Variants in VMA22 observed in about 807,000 individuals in gnomAD.
VMA22 encodes the protein vacuolar ATPase assembly protein VMA22.
the VMA22 span, chr2:130,341,574 C>A: frequency 8.9e-7 from 1 of 1,120,408 alleles, no homozygotes; most frequent in Admixed American, 2.1e-5. Flanking sequence ...GATGCTCTCT[C>A]TTATCGCAAA....
the VMA22 span, chr2:130,341,187 A>AC: frequency 1.2e-6 from 1 of 850,184 alleles, no homozygotes; most frequent in Non-Finnish European, 1.8e-6. Context: ...GAAACAGCTT[A>AC]CCACAAAACA....
chr2:130,342,673 T>C, the VMA22 span: 1 of 520,636 alleles, frequency 1.9e-6, no homozygotes, highest in Admixed American at 3.3e-5. Context: ...GCGGACATAT[T>C]TATTAGCTGC....
the VMA22 span, chr2:130,339,923 C>A: frequency 2.2e-6 from 2 of 917,488 alleles, no homozygotes; most frequent in Non-Finnish European, 2.9e-6. Flanking sequence ...CAGTGCTATG[C>A]AGTGGACTCC....
At chr2:130,341,101 A>G in the VMA22 span, 3 of 1,491,250 alleles carry the variant, frequency 2.0e-6, no homozygotes, top group Non-Finnish European at 2.7e-6. Context: ...CATCTTGGTG[A>G]CAATGTTGAG....
At chr2:130,342,626 G>A in the VMA22 span, 7 of 477,874 alleles carry the variant, frequency 1.5e-5, no homozygotes, top group African/African-American at 5.8e-5. Flanking sequence ...ATTCTGCACG[G>A]CGGTGGTGGG....
the VMA22 span, chr2:130,341,172 TC>T: frequency 9.4e-7 from 1 of 1,060,058 alleles, no homozygotes; most frequent in Non-Finnish European, 1.3e-6. Flanking sequence ...ACTTTGGGGT[TC>T]CAGGAAACAG....
chr2:130,341,827 G>T, the VMA22 span: 2 of 506,376 alleles, frequency 3.9e-6, no homozygotes, highest in Non-Finnish European at 7.1e-6. Flanking sequence ...AGCCCAGCAT[G>T]GAAGCTTCCT....
the VMA22 span, chr2:130,341,116 A>C: frequency 7.0e-7 from 1 of 1,436,938 alleles, no homozygotes; most frequent in Non-Finnish European, 9.2e-7. Context: ...GTTGAGCTTG[A>C]TCTGAGCTCA....
chr2:130,341,800 C>CGGG, the VMA22 span: 12 of 1,388,686 alleles, frequency 8.6e-6, no homozygotes, highest in Non-Finnish European at 1.1e-5. Flanking sequence ...GCCTAGAACG[C>CGGG]GCCCGCCCGC....
chr2:130,342,639 G>T, the VMA22 span: 4 of 485,868 alleles, frequency 8.2e-6, no homozygotes, highest in Non-Finnish European at 1.5e-5. Context: ...GTGGTGGGGG[G>T]AGGACGAGGA....
At chr2:130,341,394 C>T in the VMA22 span, 3 of 548,978 alleles carry the variant, frequency 5.5e-6, no homozygotes, top group East Asian at 6.2e-5. Context: ...GAAGTTTGTC[C>T]CTCTGAAACT....
chr2:130,339,521 C>T, the VMA22 span: 4 of 1,299,418 alleles, frequency 3.1e-6, no homozygotes, highest in Non-Finnish European at 4.0e-6. Context: ...CCCTCATTTC[C>T]TTCCTTCCCC....
At chr2:130,341,733 G>A in the VMA22 span, 3 of 1,611,554 alleles carry the variant, frequency 1.9e-6, no homozygotes, top group South Asian at 1.1e-5. Flanking sequence ...AACTTCTGGA[G>A]TCCCTCCTGG....
the VMA22 span, chr2:130,339,376 A>G: frequency 1.5e-6 from 2 of 1,363,938 alleles, no homozygotes; most frequent in South Asian, 3.0e-5. Flanking sequence ...ACGGCCCTGC[A>G]TTGGCTGCTC....
At chr2:130,339,243 G>A in the VMA22 span, 1 of 1,610,192 alleles carries the variant, frequency 6.2e-7, no homozygotes, top group Non-Finnish European at 8.5e-7. Flanking sequence ...CTGGAGGAAA[G>A]GAGAGAAGGT....
At chr2:130,339,936 A>C in the VMA22 span, 2 of 834,170 alleles carry the variant, frequency 2.4e-6, no homozygotes, top group Non-Finnish European at 3.2e-6. Context: ...TGGACTCCCA[A>C]ATCTCTCTCC....
At chr2:130,341,627 A>T in the VMA22 span, 1 of 1,529,392 alleles carries the variant, frequency 6.5e-7, no homozygotes, top group African/African-American at 1.4e-5. Context: ...TTTGTCTTTG[A>T]CACTGGGAAG....
chr2:130,341,307 T>G, the VMA22 span: 1 of 551,208 alleles, frequency 1.8e-6, no homozygotes. Context: ...TTACCCATTG[T>G]ACCTGAACAT....
the VMA22 span, chr2:130,342,124 A>C: frequency 5.6e-6 from 9 of 1,613,538 alleles, no homozygotes; most frequent in South Asian, 9.9e-5. Flanking sequence ...AAGCGCCGCC[A>C]TGGACACACC....
Sources: gnomAD v4.1 joint callset for allele counts on GRCh38, gnomAD v4.1.1 for gene constraint, MANE v1.5 for transcripts, NCBI Gene and HGNC (gene_info 2026-07-23, HGNC 2026-07-21) for gene names.